CTBP2: variants seen among roughly 807,000 people sequenced by gnomAD.
CTBP2 encodes C-terminal binding protein 2.
A neutral mutation model predicts 80.3 loss-of-function variants in CTBP2; 30 were observed. That is an observed-to-expected ratio of 0.37 (90% CI 0.28 to 0.51). The LOEUF is 0.51. Ranked by LOEUF, CTBP2 falls within the 20% of genes least tolerant of loss-of-function variation. CTBP2 has a pLI of 0.93. For synonymous variants in CTBP2, 594 were observed against 587.4 expected, an observed-to-expected ratio of 1.01 and a Z score of -0.16; for missense variants, 1,212 against 1,375.3, an observed-to-expected ratio of 0.88 and a Z score of 1.88.
At chr10:125,144,523 C>T (rs1161508675) in intron 1 of CTBP2, among the ~76,000 whole-genome samples, 1 of 152,194 alleles carries the variant, frequency 6.6e-6, no homozygotes, top group Non-Finnish European at 1.5e-5. Flanking sequence ...TAATAAATTC[C>T]CCGATCAAGA....
chr10:125,002,562 C>T (rs533455288), intron 3 of CTBP2, among the ~76,000 whole-genome samples: 73 of 152,278 alleles, frequency 4.8e-4, no homozygotes, highest in African/African-American at 1.3e-3. Flanking sequence ...GCTGTGCACA[C>T]GGCAGGGGCA....
intron 1 of CTBP2, among the ~76,000 whole-genome samples, chr10:125,024,810 C>T (rs1248774073): frequency 6.6e-6 from 1 of 152,210 alleles, no homozygotes; most frequent in Non-Finnish European, 1.5e-5. Flanking sequence ...TATCTGACGT[C>T]CCTCCTGCCG....
chr10:125,039,134 G>A lies in CTBP2; in HGVS notation c.-80C>T, dbSNP rs1959171778. 8.2e-6 allele frequency: 10 copies of A among 1,219,300 alleles called. No homozygotes were observed. The highest frequency in any genetic ancestry group is 1.1e-5 in the Non-Finnish European group (9 of 844,114). 75.5% of individuals were successfully genotyped at this position (1,219,300 alleles called of 1,614,324 possible). Reference sequence around the variant, plus strand: ...CTTAGGGGAACTTGCAGGAGTCTGCGTGCATGACGCCACTATGAACCCTGA... The same window carrying A: ...CTTAGGGGAACTTGCAGGAGTCTGCATGCATGACGCCACTATGAACCCTGA... On this transcript the variant is annotated 5_prime_UTR_variant, in exon 3 of 11. In the 5' UTR this introduces an upstream ATG that the reference lacks. Coordinates refer to the CTBP2 transcript ENST00000337195.
chr10:125,140,418 C>T (rs750011637), intron 1 of CTBP2, among the ~76,000 whole-genome samples: 2 of 152,096 alleles, frequency 1.3e-5, no homozygotes, highest in Non-Finnish European at 2.9e-5. Flanking sequence ...AAAGAATGAG[C>T]TCCGAAAGGA....
intron 1 of CTBP2, among the ~76,000 whole-genome samples, chr10:125,116,958 C>G (rs910407698): frequency 1.3e-5 from 2 of 152,212 alleles, no homozygotes; most frequent in Non-Finnish European, 2.9e-5. Flanking sequence ...TGAGAAGCAG[C>G]CCAGAGGACC....
chr10:125,091,707 T>C (rs1210344600), intron 2 of CTBP2, among the ~76,000 whole-genome samples: 7 of 152,198 alleles, frequency 4.6e-5, no homozygotes, highest in Admixed American at 4.6e-4. Flanking sequence ...AGGTCAAGAC[T>C]GCTGTGAGCT....
In CTBP2 at chr10:125,005,786, G is replaced by A. The variant is rs764483549; in HGVS notation, c.1679-2294C>T. ...TGAGGTCTGAGCGCACAACCCTGTG[G>A]GGCCTGGAAGTCCTGGTCTCATGCC... On this transcript the variant is annotated intron_variant, in intron 1 of 8. Coordinates refer to ENST00000309035, the MANE Select transcript of CTBP2 (RefSeq NM_022802.3). The A allele has an allele frequency of 5.6e-6, 9 of 1,612,616 alleles. No homozygotes were observed. The South Asian group carries it at 9.9e-5, about 18-fold the overall frequency.
chr10:125,082,851 A>G (rs1481448351), intron 2 of CTBP2, among the ~76,000 whole-genome samples: 1 of 152,104 alleles, frequency 6.6e-6, no homozygotes, highest in Non-Finnish European at 1.5e-5. Flanking sequence ...GGCCTCCTGA[A>G]GTGCTGGGAT....
chr10:125,039,775 G>A (rs1349163844), intron 2 of CTBP2, among the ~76,000 whole-genome samples: 1 of 152,228 alleles, frequency 6.6e-6, no homozygotes, highest in Non-Finnish European at 1.5e-5. Flanking sequence ...GCAGCTGGAG[G>A]GGACCGCAGT....
chr10:125,132,018 C>T (rs1193813285), intron 1 of CTBP2, among the ~76,000 whole-genome samples: 3 of 152,098 alleles, frequency 2.0e-5, no homozygotes, highest in Admixed American at 6.5e-5. Flanking sequence ...AGGCTTATTT[C>T]GGAAGCATTA....
At chr10:125,126,948 C>T (rs188663094) in intron 1 of CTBP2, among the ~76,000 whole-genome samples, 1,564 of 151,770 alleles carry the variant, frequency 0.01, 25 homozygotes, top group African/African-American at 0.035. Context: ...CTCTCTCTCT[C>T]TACTCTACTC....
intron 2 of CTBP2, among the ~76,000 whole-genome samples, chr10:125,109,292 A>G (rs1326960926): frequency 3.3e-5 from 5 of 152,208 alleles, no homozygotes; most frequent in South Asian, 2.1e-4. Context: ...TGGGTGAAAG[A>G]GCGTGGATGT....
chr10:124,997,698 C>T (rs894935246), intron 4 of CTBP2: 16 of 537,098 alleles, frequency 3.0e-5, no homozygotes, highest in Middle Eastern at 9.7e-4. Flanking sequence ...TGCCCGCTGC[C>T]CCACAGCAAA....
Position 125,026,833 on chromosome 10 carries a change from G to A in CTBP2, c.927C>T (p.Ala309=). ...GGGAGTCAAAGCCCTGCTGCAGTAGGGCTCCCAGCGTGGCCTCTGCCAGCC... is the reference window on the plus strand; with the variant it reads ...GGGAGTCAAAGCCCTGCTGCAGTAGAGCTCCCAGCGTGGCCTCTGCCAGCC... The change falls in exon 1 of 9, where the codon GCC becomes GCT. Residue 309 remains alanine (A), a synonymous_variant. Transcript: ENST00000309035. 9 of 1,613,508 alleles carry A rather than the reference G, an allele frequency of 5.6e-6. No homozygotes were observed. The highest frequency in any genetic ancestry group is 6.8e-6 in the Non-Finnish European group (8 of 1,179,986).
intron 2 of CTBP2, among the ~76,000 whole-genome samples, chr10:125,098,927 G>A (rs951925126): frequency 5.3e-5 from 8 of 152,116 alleles, no homozygotes; most frequent in African/African-American, 1.7e-4. Flanking sequence ...CCACCACTGG[G>A]TGTGTGGGGA....
At chr10:125,103,659 T>C (rs1179316806) in intron 2 of CTBP2, among the ~76,000 whole-genome samples, 2 of 152,162 alleles carry the variant, frequency 1.3e-5, no homozygotes. Flanking sequence ...CTCGAGCAGC[T>C]GGAGCCAAGG....
intron 1 of CTBP2, among the ~76,000 whole-genome samples, chr10:125,128,712 T>C (rs924935131): frequency 6.6e-6 from 1 of 152,212 alleles, no homozygotes; most frequent in African/African-American, 2.4e-5. Flanking sequence ...CTTCCATACA[T>C]GATCAGTGGA....
chr10:125,041,363 G>A (rs1326834009), intron 2 of CTBP2, among the ~76,000 whole-genome samples: 4 of 152,326 alleles, frequency 2.6e-5, no homozygotes, highest in African/African-American at 9.6e-5. Flanking sequence ...GATTACAGGT[G>A]TGAGCCACTG....
At position 125,066,156 on chromosome 10, in the gene CTBP2, G is replaced by C. The variant is rs1844600586; in HGVS notation, c.-101-27001C>G. 6.6e-6 allele frequency among the ~76,000 whole-genome samples: 1 copy of C among 151,882 alleles called. No homozygotes were observed. The highest frequency in any genetic ancestry group is 2.4e-5 in the African/African-American group (1 of 41,338). On this transcript the variant is annotated intron_variant, in intron 2 of 10. Coordinates refer to the CTBP2 transcript ENST00000337195. The surrounding 1 kb of genome is among the most constrained non-coding windows in gnomAD (Gnocchi z 4.1). Reference sequence around the variant, plus strand: ...TGTCCTAACACCCAGGACAACGTCTGAGTGACCAGTGGCTCTTGGCTGAGG... The same window carrying C: ...TGTCCTAACACCCAGGACAACGTCTCAGTGACCAGTGGCTCTTGGCTGAGG...
Sources: gnomAD v4.1 joint callset for allele counts (sites outside exome capture counted in the v4.1 genomes callset) on GRCh38, gnomAD v4.1.1 for gene constraint, Gnocchi (gnomAD v3.1) non-coding constraint, MANE v1.5 for transcripts, NCBI Gene and HGNC (gene_info 2026-07-23, HGNC 2026-07-21) for gene names.